PRKN: variants seen among roughly 807,000 people sequenced by gnomAD.
PRKN encodes the protein parkin RBR E3 ubiquitin protein ligase, also known as E3 ubiquitin-protein ligase parkin.
Under a neutral mutation model 59.5 loss-of-function variants are expected in PRKN, and 56 were observed. The ratio of observed to expected loss-of-function variants is 0.94; its 90% confidence interval spans 0.76 to 1.18. PRKN has a LOEUF of 1.18. Among genes scored for constraint, PRKN ranks in the 50% most tolerant of loss-of-function variants. PRKN has a pLI of 0.00. For synonymous variants in PRKN, 250 were observed against 222.1 expected, an observed-to-expected ratio of 1.13 and a Z score of -1.12; for missense variants, 657 against 596.4, an observed-to-expected ratio of 1.10 and a Z score of -1.06.
At chr6:161,998,601 T>C (rs2128261626) in intron 5 of PRKN, among the ~76,000 whole-genome samples, 1 of 152,198 alleles carries the variant, frequency 6.6e-6, no homozygotes, top group African/African-American at 2.4e-5. Flanking sequence ...GTAGCTACTG[T>C]TTCATTAGCT....
intron 4 of PRKN, among the ~76,000 whole-genome samples, chr6:162,156,081 C>G (rs940388624): frequency 6.3e-4 from 6 of 9,566 alleles, no homozygotes; most frequent in African/African-American, 9.0e-4. Context: ...CTTGGTTAGA[C>G]TAAAATATTT....
chr6:161,961,934 C>A (rs1780395220), intron 6 of PRKN, among the ~76,000 whole-genome samples: 1 of 152,080 alleles, frequency 6.6e-6, no homozygotes, highest in African/African-American at 2.4e-5. Flanking sequence ...AAATCCACAT[C>A]GAGATCTAGA....
intron 2 of PRKN, among the ~76,000 whole-genome samples, chr6:162,286,492 A>G (rs1781199474): frequency 1.3e-5 from 2 of 152,218 alleles, no homozygotes; most frequent in East Asian, 1.9e-4. Context: ...GGCATTATAC[A>G]TGCAATACTG....
chr6:161,445,993 C>G lies in PRKN; in HGVS notation c.1084-59116G>C, dbSNP rs557763101. Among the ~76,000 whole-genome samples, 26 of 152,040 alleles carry G rather than the reference C, an allele frequency of 1.7e-4. No homozygotes were observed. Among genetic ancestry groups the G allele is most frequent in the African/African-American group, 6.3e-4 (26 of 41,466 alleles). On this transcript the variant is annotated intron_variant, in intron 9 of 11. Transcript: ENST00000366898. This position sits in a 1 kb window ranked among gnomAD's most constrained non-coding sequence, Gnocchi z 7.7. ...AGAGGAGAGGCAAACTGTTTGAGCC[C>G]AGGAGTTTGAGACCAGCCTGGGCAA...
Position 161,461,785 on chromosome 6 carries a change from T to C in PRKN, c.1084-74908A>G, listed in dbSNP as rs1790236384. Among the ~76,000 whole-genome samples the C allele has an allele frequency of 6.6e-6, 1 of 152,120 alleles. No homozygotes were observed. Among genetic ancestry groups the C allele is most frequent in the Non-Finnish European group, 1.5e-5 (1 of 68,020 alleles). Reference sequence around the variant, plus strand: ...CTTATGAAAATTCCAAATGGAGGTATCCAGTAGGCAATGTGAAGTATAATC... The same window carrying C: ...CTTATGAAAATTCCAAATGGAGGTACCCAGTAGGCAATGTGAAGTATAATC... On this transcript the variant is annotated intron_variant, in intron 9 of 11. Coordinates refer to ENST00000366898, the MANE Select transcript of PRKN (RefSeq NM_004562.3). This position sits in a 1 kb window ranked among gnomAD's most constrained non-coding sequence, Gnocchi z 5.1.
At chr6:161,774,434 G>A (rs112216782) in intron 7 of PRKN, among the ~76,000 whole-genome samples, 9 of 132,624 alleles carry the variant, frequency 6.8e-5, no homozygotes, top group African/African-American at 2.0e-4. Context: ...ACACACACAC[G>A]GCGTGGCTAG....
intron 2 of PRKN, among the ~76,000 whole-genome samples, chr6:162,441,544 C>A (rs150469126): frequency 6.6e-6 from 1 of 152,020 alleles, no homozygotes; most frequent in South Asian, 2.1e-4. Context: ...GTTTCATATT[C>A]TTATATTATA....
chr6:162,628,965 TTATTA>T (rs748272148), intron 1 of PRKN, among the ~76,000 whole-genome samples: 4 of 152,078 alleles, frequency 2.6e-5, no homozygotes, highest in Non-Finnish European at 4.4e-5. Flanking sequence ...TACAATTATT[TTATTA>T]TGTGAAAACT....
chr6:162,287,472 G>A (rs1388268050), intron 2 of PRKN, among the ~76,000 whole-genome samples: 1 of 152,134 alleles, frequency 6.6e-6, no homozygotes. Context: ...GGAGGCTGAG[G>A]TGGGAGGATC....
At chr6:162,420,888 T>G (rs1180657032) in intron 2 of PRKN, among the ~76,000 whole-genome samples, 1 of 152,178 alleles carries the variant, frequency 6.6e-6, no homozygotes, top group Non-Finnish European at 1.5e-5. Context: ...GTCTTCTACT[T>G]ATGTACTCTC....
chr6:161,727,940 A>G (rs892580781), intron 7 of PRKN, among the ~76,000 whole-genome samples: 1 of 152,204 alleles, frequency 6.6e-6, no homozygotes, highest in Non-Finnish European at 1.5e-5. Flanking sequence ...GATCCTGAAC[A>G]TATCATCTTA....
At chr6:162,661,545 G>A (rs1403640575) in intron 1 of PRKN, among the ~76,000 whole-genome samples, 1 of 152,118 alleles carries the variant, frequency 6.6e-6, no homozygotes, top group African/African-American at 2.4e-5. Context: ...TAGGCAGGGT[G>A]GGGAACCCTG....
At position 161,524,819 on chromosome 6, in the gene PRKN, A is replaced by T. The variant is rs147653030; in HGVS notation, c.1083+24035T>A. The stretch of plus-strand genomic sequence containing the variant: ...TACCTTCACCTCTTATCAGTGCACA[A>T]CATCGTAAGAGTTTGGAGGGAGACA... On this transcript the variant is annotated intron_variant, in intron 9 of 11. Transcript: ENST00000366898. Among the ~76,000 whole-genome samples, 89 of 152,296 alleles carry T rather than the reference A, an allele frequency of 5.8e-4. No individual in the cohort carries two copies. In the East Asian group the frequency reaches 7.7e-3, roughly 13 times the overall value.
intron 5 of PRKN, among the ~76,000 whole-genome samples, chr6:161,978,700 CTG>C (rs1250929166): frequency 6.6e-6 from 1 of 152,274 alleles, no homozygotes; most frequent in African/African-American, 2.4e-5. Context: ...TGTGAGGTCA[CTG>C]GGGCATAGCA....
At chr6:162,606,446 GT>G (rs2128218024) in intron 1 of PRKN, among the ~76,000 whole-genome samples, 1 of 152,312 alleles carries the variant, frequency 6.6e-6, no homozygotes, top group East Asian at 1.9e-4. Context: ...CAGGATGGCT[GT>G]ATGGGTACTT....
chr6:161,825,724 C>T (rs1442308102), intron 6 of PRKN, among the ~76,000 whole-genome samples: 1 of 152,112 alleles, frequency 6.6e-6, no homozygotes, highest in Non-Finnish European at 1.5e-5. Context: ...TCTGCTCCCC[C>T]CGGGACACAC....
intron 7 of PRKN, among the ~76,000 whole-genome samples, chr6:161,711,952 C>T (rs1310094507): frequency 6.6e-6 from 1 of 152,196 alleles, no homozygotes; most frequent in East Asian, 1.9e-4. Context: ...GGTTTTGGGA[C>T]TTGGCCTGAT....
intron 5 of PRKN, among the ~76,000 whole-genome samples, chr6:162,020,346 A>AAAAAAAAAAAAAAAAAAAAAAAAAAAG (rs1783095085): frequency 6.6e-6 from 1 of 150,952 alleles, no homozygotes; most frequent in Non-Finnish European, 1.5e-5. Context: ...AAAAAAAAAA[A>AAAAAAAAAAAAAAAAAAAAAAAAAAAG]AAAAAAAAAA....
In PRKN at chr6:161,378,437, A is replaced by G. The variant is rs1224536475; in HGVS notation, c.1167+8357T>C. 6.6e-6 allele frequency among the ~76,000 whole-genome samples: 1 copy of G among 151,902 alleles called. No individual in the cohort carries two copies. The highest frequency in any genetic ancestry group is 6.6e-5 in the Admixed American group (1 of 15,260). ...CGGCACGGAGTCCTGTGTGTCCTCC[A>G]CTCCTCGAGGAGACCAACTAACTGG... On this transcript the variant is annotated intron_variant, in intron 10 of 11. Transcript: ENST00000366898. The surrounding 1 kb of genome is among the most constrained non-coding windows in gnomAD (Gnocchi z 7.3).
Sources: gnomAD v4.1 joint callset for allele counts (sites outside exome capture counted in the v4.1 genomes callset) on GRCh38, gnomAD v4.1.1 for gene constraint, Gnocchi (gnomAD v3.1) non-coding constraint, MANE v1.5 for transcripts, NCBI Gene and HGNC (gene_info 2026-07-23, HGNC 2026-07-21) for gene names.